The following FGD1 variants were observed in gnomAD, a reference collection of about 807,000 sequenced individuals.
FGD1 encodes the protein FYVE, RhoGEF and PH domain-containing protein 1.
In FGD1, 12 loss-of-function variants were observed where a neutral mutation model predicts 65.0. The ratio of observed to expected loss-of-function variants is 0.18; its 90% CI spans 0.12 to 0.30. FGD1 has a LOEUF of 0.30. Ranked by LOEUF, FGD1 falls within the 10% of genes least tolerant of loss-of-function variation. The pLI is 1.00. For synonymous variants in FGD1, 333 were observed against 343.9 expected, an observed-to-expected ratio of 0.97 and a Z score of 0.35; for missense variants, 542 against 837.6, an observed-to-expected ratio of 0.65 and a Z score of 4.36.
At chrX:54,459,927 G>C (rs1426277506) in intron 8 of FGD1, among the ~76,000 whole-genome samples, 2 of 108,430 alleles carry the variant, frequency 1.8e-5, no homozygotes, top group African/African-American at 6.7e-5. Context: ...CTATGGAGTA[G>C]CCATTCTTTA....
At chrX:54,453,849 C>CA (rs1922432868) in intron 12 of FGD1, among the ~76,000 whole-genome samples, 2 of 111,440 alleles carry the variant, frequency 1.8e-5, no homozygotes, top group African/African-American at 3.3e-5. Flanking sequence ...CAGCACCTGG[C>CA]AAAAAACTAA....
chrX:54,470,702 G>T lies in FGD1; in HGVS notation c.540C>A (p.Ile180=), dbSNP rs1922870069. The part of the protein sequence containing the change: ...MPRMPPPLEP[I]PPPPSRPLPA... ...GCAGTGGGCGTGATGGTGGAGGGGG[G>T]ATGGGCTCCAGTGGGGGGGGCATCC... The change falls in exon 3 of 18, where the codon ATC becomes ATA. Residue 180 remains isoleucine, a synonymous_variant. Transcript: ENST00000375135. 5 of 742,089 alleles carry T rather than the reference G, an allele frequency of 6.7e-6. No homozygotes were observed. Among genetic ancestry groups the T allele is most frequent in the Non-Finnish European group, 9.8e-6 (5 of 512,001 alleles). 61.2% of individuals were successfully genotyped at this position (742,089 alleles called of 1,213,427 possible).
At chrX:54,459,797 G>T (rs756166751) in intron 8 of FGD1, among the ~76,000 whole-genome samples, 1 of 110,384 alleles carries the variant, frequency 9.1e-6, no homozygotes, top group Non-Finnish European at 1.9e-5. Context: ...AATCTGGGAG[G>T]CTCCATTAAG....
Position 54,449,266 on chromosome X carries a change from G to T in FGD1, c.2151C>A (p.Asn717Lys). 1 of 1,211,333 alleles carries T rather than the reference G, an allele frequency of 8.3e-7. No homozygotes were observed. ...TAGGTGCCCGCTTCCCAAGATCCAC[G>T]TTCTGTAGGGAGGGCCAGGTCTCAG... ...EDEDTPPNSP[N>K]VDLGKRAPTP... Residue 717 changes from asparagine to lysine, a missense_variant and splice_region_variant, in exon 15 of 18, where the codon AAC becomes AAA. Asn to Lys is a moderately conservative substitution (Grantham distance 94). Transcript: ENST00000375135.
At chrX:54,458,330 C>T (rs774623788) in intron 8 of FGD1, among the ~76,000 whole-genome samples, 10 of 110,503 alleles carry the variant, frequency 9.0e-5, no homozygotes, top group African/African-American at 3.3e-4. Flanking sequence ...GGGCAGATCA[C>T]CTGACTTCAA....
chrX:54,455,740 A>C lies in FGD1; in HGVS notation c.1887T>G (p.Leu629=). The change falls in exon 11 of 18, where the codon CTT becomes CTG. Residue 629 remains leucine, a synonymous_variant. Coordinates refer to ENST00000375135, the MANE Select transcript of FGD1 (RefSeq NM_004463.3). ...LLYCVPRLRL[L]GQKFSVRARI... Reference sequence around the variant, plus strand: ...GTGCCCGCACGCTAAACTTCTGGCCAAGGAGCCGCAGCCTGGGCACGCAGT... The same window carrying C: ...GTGCCCGCACGCTAAACTTCTGGCCCAGGAGCCGCAGCCTGGGCACGCAGT... 1.7e-6 allele frequency: 2 copies of C among 1,190,599 alleles called. No individual in the cohort carries two copies. The highest frequency in any genetic ancestry group is 2.3e-6 in the Non-Finnish European group (2 of 883,668).
In FGD1 at chrX:54,468,880, G is replaced by T. The variant is rs777463718; in HGVS notation, c.1102-4C>A. On this transcript the variant is annotated splice_region_variant and splice_polypyrimidine_tract_variant and intron_variant, in intron 4 of 17. Coordinates refer to ENST00000375135, the MANE Select transcript of FGD1 (RefSeq NM_004463.3). Reference sequence around the variant, plus strand: ...ACACCTTTTGCTGCACAGTCAACTGGAAAGGAGAAACAGTAACCCCTGATC... The same window carrying T: ...ACACCTTTTGCTGCACAGTCAACTGTAAAGGAGAAACAGTAACCCCTGATC... 3.9e-5 allele frequency: 46 copies of T among 1,174,508 alleles called. No homozygotes were observed. In the Admixed American group the frequency reaches 9.0e-4, roughly 23 times the overall value.
intron 1 of FGD1, among the ~76,000 whole-genome samples, chrX:54,491,644 C>G (rs1252702115): frequency 2.7e-5 from 3 of 112,406 alleles, no homozygotes; most frequent in Non-Finnish European, 5.6e-5. Flanking sequence ...GTGGTTCCCA[C>G]TCTAGGCTGT....
At position 54,451,745 on chromosome X, in the gene FGD1, C is replaced by T. The variant is rs931040941; in HGVS notation, c.2016-1444G>A. ...CTCTACTGAAAATACAAAAATTGGC[C>T]GGGCGTGGTGGCGGGAGCCTATAAT... On this transcript the variant is annotated intron_variant, in intron 12 of 17. Transcript: ENST00000375135. Among the ~76,000 whole-genome samples, 19 of 106,667 alleles carry T rather than the reference C, an allele frequency of 1.8e-4. No homozygotes were observed. In the East Asian group the frequency reaches 4.1e-3, roughly 23 times the overall value. 92.6% of individuals were successfully genotyped at this position (106,667 alleles called of 115,157 possible). A position where few individuals can be genotyped will look rare whatever the true frequency, so the allele number is the denominator to read the frequency against.
chrX:54,475,677 G>C (rs1161111408), intron 1 of FGD1, among the ~76,000 whole-genome samples: 2 of 112,477 alleles, frequency 1.8e-5, no homozygotes, highest in Non-Finnish European at 3.8e-5. Context: ...GCTCCCTCCA[G>C]GTGGCTGAAT....
chrX:54,445,983 G>A lies in FGD1; in HGVS notation c.*126C>T, dbSNP rs1056539734. On this transcript the variant is annotated 3_prime_UTR_variant, in exon 18 of 18. Coordinates refer to ENST00000375135, the MANE Select transcript of FGD1 (RefSeq NM_004463.3). ...TTAAAAAACCCAAGACCCAGCATTC[G>A]GGATTGAAAGTGCCCGTGATGGGAG... 2 of 493,809 alleles carry A rather than the reference G, an allele frequency of 4.1e-6. No homozygotes were observed. Among genetic ancestry groups the A allele is most frequent in the South Asian group, 3.6e-5 (1 of 27,430 alleles). 40.7% of individuals were successfully genotyped at this position (493,809 alleles called of 1,213,427 possible).
In FGD1 at chrX:54,470,684, G is replaced by T. The variant is rs773318933; in HGVS notation, c.558C>A (p.Arg186=). 25 of 1,072,450 alleles carry T rather than the reference G, an allele frequency of 2.3e-5. No homozygotes were observed. In the South Asian group the frequency reaches 4.5e-4, roughly 19 times the overall value. 88.4% of individuals were successfully genotyped at this position (1,072,450 alleles called of 1,213,427 possible). A position where few individuals can be genotyped will look rare whatever the true frequency, so the allele number is the denominator to read the frequency against. The change falls in exon 3 of 18, where the codon CGC becomes CGA. Residue 186 remains arginine (R), a synonymous_variant. Coordinates refer to ENST00000375135, the MANE Select transcript of FGD1 (RefSeq NM_004463.3). The part of the protein sequence containing the change: ...PLEPIPPPPS[R]PLPADPRVAK... ...CCACTCGGGGGTCGGCAGGCAGTGG[G>T]CGTGATGGTGGAGGGGGGATGGGCT...
In FGD1 at chrX:54,467,883, G is replaced by T; in HGVS notation, c.1241C>A (p.Pro414Gln). 1.7e-6 allele frequency: 2 copies of T among 1,175,862 alleles called. No homozygotes were observed. Among genetic ancestry groups the T allele is most frequent in the East Asian group, 6.3e-5 (2 of 31,694 alleles). Residue 414 changes from proline (P) to glutamine (Q), a missense_variant, in exon 6 of 18, where the codon CCG becomes CAG. Transcript: ENST00000375135. ...GAAGATGCCGTGGACAACGTCGGCC[G>T]GGAAGGAACTGCGGTTCCGAGCTTC... ...LEEARNRSSF[P>Q]ADVVHGIFSN...
At chrX:54,467,990 G>A (rs1481707907) in intron 5 of FGD1, 58 bp from the exon 6 acceptor site, 1 of 1,062,882 alleles carries the variant, frequency 9.4e-7, no homozygotes, top group East Asian at 3.3e-5. Context: ...GCTGGTGAAG[G>A]GTGAGGGCAG....
chrX:54,484,118 G>A (rs1267386243), intron 1 of FGD1, among the ~76,000 whole-genome samples: 8 of 112,122 alleles, frequency 7.1e-5, no homozygotes, highest in South Asian at 7.5e-4. Context: ...CACAATGGCC[G>A]TTTGTCTGTT....
Position 54,465,600 on chromosome X carries a change from C to T in FGD1, c.1498-11G>A. 1.7e-6 allele frequency: 2 copies of T among 1,209,390 alleles called. No homozygotes were observed. The highest frequency in any genetic ancestry group is 2.2e-6 in the Non-Finnish European group (2 of 894,466). On this transcript the variant is annotated splice_polypyrimidine_tract_variant and intron_variant, in intron 7 of 17. Coordinates refer to ENST00000375135, the MANE Select transcript of FGD1 (RefSeq NM_004463.3). ...ACAGGCTTCCTCCTTCTGTGACAGG[C>T]AGAAGCAGAGGGGCTCAGATCTGGC...
chrX:54,461,600 CAAAAAAAAA>C (rs1165040158), intron 8 of FGD1, among the ~76,000 whole-genome samples: 1 of 18,057 alleles, frequency 5.5e-5, no homozygotes, highest in Middle Eastern at 0.033. Flanking sequence ...GACTCTGTCT[CAAAAAAAAA>C]AAAAAAAAAA....
chrX:54,459,071 C>T (rs1379809641), intron 8 of FGD1, among the ~76,000 whole-genome samples: 1 of 111,254 alleles, frequency 9.0e-6, no homozygotes, highest in Non-Finnish European at 1.9e-5. Flanking sequence ...TCCTACATCT[C>T]CCCCACCCCA....
chrX:54,464,443 G>A lies in FGD1; in HGVS notation c.1636+1008C>T, dbSNP rs145261683. 9.3e-3 allele frequency among the ~76,000 whole-genome samples: 1,037 copies of A among 111,527 alleles called. 21 individuals carry two copies. Among genetic ancestry groups the A allele is most frequent in the African/African-American group, 0.032 (981 of 30,712 alleles). On this transcript the variant is annotated intron_variant, in intron 8 of 17. Coordinates refer to ENST00000375135, the MANE Select transcript of FGD1 (RefSeq NM_004463.3). ...CCACTGCGCCCGGCCTCTACTGTGT[G>A]TTTATTATTTTTGTTTACTGTGTCT...
Sources: gnomAD v4.1 joint callset for allele counts (sites outside exome capture counted in the v4.1 genomes callset) on GRCh38, gnomAD v4.1.1 for gene constraint, MANE v1.5 for transcripts, NCBI Gene and HGNC (gene_info 2026-07-23, HGNC 2026-07-21) for gene names.